Variants in F13A1 observed in about 807,000 individuals in gnomAD.
F13A1 encodes coagulation factor XIII A chain, also known as FSF, A subunit.
Under a neutral mutation model 80.1 loss-of-function variants are expected in F13A1, and 47 were observed. The ratio of observed to expected loss-of-function variants is 0.59; its 90% CI spans 0.46 to 0.75. The LOEUF (loss-of-function observed/expected upper bound fraction) is 0.75, where lower values mean the gene tolerates loss of function less well. F13A1 is among the 30% of genes least tolerant of loss of function. The pLI is 0.00. For missense variants in F13A1, 817 were observed against 930.4 expected (o/e 0.88, Z 1.59); for synonymous variants, 349 against 344.9 (o/e 1.01, Z -0.13).
In F13A1 at chr6:6,202,754, C is replaced by T. The variant is rs143321962; in HGVS notation, c.1113-5428G>A. ...AACGATGGAGATGACAAGTGAAGAACACATCTCTGCTTTATGTTTCTTCCT... is the reference window on the plus strand; with the variant it reads ...AACGATGGAGATGACAAGTGAAGAATACATCTCTGCTTTATGTTTCTTCCT... On this transcript the variant is annotated intron_variant, in intron 8 of 14. Transcript: ENST00000264870. 4.4e-3 allele frequency among the ~76,000 whole-genome samples: 668 copies of T among 152,296 alleles called. 6 individuals are homozygous for T. Among genetic ancestry groups the T allele is most frequent in the African/African-American group, 0.015 (630 of 41,566 alleles).
At chr6:6,296,130 G>C (rs1438287904) in intron 3 of F13A1, among the ~76,000 whole-genome samples, 1 of 151,298 alleles carries the variant, frequency 6.6e-6, no homozygotes, top group Non-Finnish European at 1.5e-5. Flanking sequence ...CCAGTACTAT[G>C]CTGTTTTGGT....
At chr6:6,277,560 C>T (rs1261237183) in intron 3 of F13A1, among the ~76,000 whole-genome samples, 1 of 152,206 alleles carries the variant, frequency 6.6e-6, no homozygotes, top group Non-Finnish European at 1.5e-5. Context: ...AACTACAGTT[C>T]ATCCATCACC....
intron 8 of F13A1, among the ~76,000 whole-genome samples, chr6:6,198,479 G>A (rs770728920): frequency 6.6e-6 from 1 of 152,140 alleles, no homozygotes; most frequent in Non-Finnish European, 1.5e-5. Context: ...CAACTACCAC[G>A]GGTTCCGTGC....
intron 13 of F13A1, among the ~76,000 whole-genome samples, chr6:6,155,740 C>T (rs1037146926): frequency 3.9e-5 from 6 of 152,120 alleles, no homozygotes; most frequent in Middle Eastern, 3.2e-3. Context: ...AGTGTTTTCA[C>T]GTTATGTGTT....
At chr6:6,283,574 T>A (rs1171671114) in intron 3 of F13A1, among the ~76,000 whole-genome samples, 1 of 152,224 alleles carries the variant, frequency 6.6e-6, no homozygotes, top group African/African-American at 2.4e-5. Flanking sequence ...AAATTTTCTG[T>A]AAAGTGGAGT....
At position 6,276,937 on chromosome 6, in the gene F13A1, C is replaced by T. The variant is rs541959055; in HGVS notation, c.320-10128G>A. Among the ~76,000 whole-genome samples, 7 of 152,204 alleles carry T rather than the reference C, an allele frequency of 4.6e-5. No individual in the cohort carries two copies. In the South Asian group the frequency reaches 1.3e-3, roughly 27 times the overall value. On this transcript the variant is annotated intron_variant, in intron 3 of 14. Coordinates refer to ENST00000264870, the MANE Select transcript of F13A1 (RefSeq NM_000129.4). ...TAAAAGTAAAATCTTATCCCCACCC[C>T]ACTCCCAACCAACTGTACAGACTCT... is the stretch of plus-strand genomic sequence containing the variant.
chr6:6,225,821 T>G (rs762082853), intron 6 of F13A1, among the ~76,000 whole-genome samples: 2 of 152,190 alleles, frequency 1.3e-5, no homozygotes, highest in Non-Finnish European at 2.9e-5. Context: ...CTTTTTCCCT[T>G]TGTAAAATTC....
At chr6:6,267,076 C>T (rs887525183) in intron 3 of F13A1, among the ~76,000 whole-genome samples, 1 of 152,146 alleles carries the variant, frequency 6.6e-6, no homozygotes, top group Non-Finnish European at 1.5e-5. Context: ...CCATTGTAAC[C>T]TCCCTAATTA....
At chr6:6,184,296 C>A (rs1222759468) in intron 10 of F13A1, among the ~76,000 whole-genome samples, 1 of 152,260 alleles carries the variant, frequency 6.6e-6, no homozygotes, top group Non-Finnish European at 1.5e-5. Context: ...TGGGACAGCC[C>A]ATAACCTGGC....
At chr6:6,223,519 A>G (rs964453478) in intron 7 of F13A1, among the ~76,000 whole-genome samples, 1 of 152,192 alleles carries the variant, frequency 6.6e-6, no homozygotes, top group African/African-American at 2.4e-5. Flanking sequence ...TCCGGCTTCT[A>G]TCTGGAACTT....
chr6:6,146,468 C>G (rs1232508512), intron 14 of F13A1, among the ~76,000 whole-genome samples: 2 of 152,162 alleles, frequency 1.3e-5, no homozygotes, highest in Non-Finnish European at 2.9e-5. Context: ...TTCCTCCCAG[C>G]CTTTGCCCTG....
intron 10 of F13A1, among the ~76,000 whole-genome samples, chr6:6,191,403 G>C (rs1489310380): frequency 6.6e-6 from 1 of 152,140 alleles, no homozygotes; most frequent in African/African-American, 2.4e-5. Context: ...ACACTTGAAG[G>C]GTTATCATCA....
chr6:6,151,804 A>C lies in F13A1; in HGVS notation c.2045+9T>G, dbSNP rs953303696. 1 of 1,614,038 alleles carries C rather than the reference A, an allele frequency of 6.2e-7. No individual in the cohort carries two copies. The highest frequency in any genetic ancestry group is 1.3e-5 in the African/African-American group (1 of 75,022). On this transcript the variant is annotated intron_variant, in intron 14 of 14. Transcript: ENST00000264870. ...ACTGCCTGCCCGGTCTCCCCAACCC[A>C]AGGTTTACCGGAACATCTTCTTCAT...
At chr6:6,313,176 T>A (rs1358228682) in intron 2 of F13A1, among the ~76,000 whole-genome samples, 1 of 152,128 alleles carries the variant, frequency 6.6e-6, no homozygotes, top group Non-Finnish European at 1.5e-5. Flanking sequence ...ATGGAAAAAG[T>A]CTTATCATCA....
chr6:6,151,871 T>A lies in F13A1; in HGVS notation c.1987A>T (p.Asn663Tyr). The change falls in exon 14 of 15, where the codon AAT (asparagine) becomes TAT (tyrosine). Residue 663 changes from asparagine (N) to tyrosine (Y), a missense_variant. By Grantham distance (143) the Asn-to-Tyr change is moderately radical. Coordinates refer to ENST00000264870, the MANE Select transcript of F13A1 (RefSeq NM_000129.4). ...GGACCATCCAGGTGTACCCAGACAT[T>A]TCGCAGGGTTTCTTTTAAAGGATTG... ...FTNPLKETLR[N>Y]VWVHLDGPGV... 3 of 1,614,086 alleles carry A rather than the reference T, an allele frequency of 1.9e-6. No individual in the cohort carries two copies. Among genetic ancestry groups the A allele is most frequent in the Non-Finnish European group, 2.5e-6 (3 of 1,179,972 alleles).
In F13A1 at chr6:6,248,240, T is replaced by C. The variant is rs959795657; in HGVS notation, c.798+72A>G. The C allele has an allele frequency of 6.6e-6, 8 of 1,205,100 alleles. No homozygotes were observed. The South Asian group carries it at 9.8e-5, about 15-fold the overall frequency. The allele number at this position is 1,205,100 out of a possible 1,614,324, so 74.7% of individuals were successfully genotyped here. On this transcript the variant is annotated intron_variant, in intron 6 of 14. Transcript: ENST00000264870. ...TGTAAGTCATCATTTCAGCAGCTCT[T>C]AATGAACTGGCATATATACTGAGGC...
At chr6:6,148,552 G>A (rs1243188665) in intron 14 of F13A1, among the ~76,000 whole-genome samples, 8 of 152,280 alleles carry the variant, frequency 5.3e-5, no homozygotes, top group East Asian at 3.9e-4. Flanking sequence ...CTTTCTAGGC[G>A]TCCAAGTTGT....
At chr6:6,240,012 G>A (rs989989060) in intron 6 of F13A1, among the ~76,000 whole-genome samples, 1 of 152,106 alleles carries the variant, frequency 6.6e-6, no homozygotes, top group Non-Finnish European at 1.5e-5. Flanking sequence ...CTATCCTGGG[G>A]ATGCTGGCCC....
chr6:6,146,190 C>T (rs1049121566), intron 14 of F13A1, among the ~76,000 whole-genome samples: 5 of 152,272 alleles, frequency 3.3e-5, no homozygotes, highest in South Asian at 4.1e-4. Flanking sequence ...TATATGAATC[C>T]CCCAGCTGCC....
Sources: allele counts gnomAD v4.1 joint callset (sites outside exome capture counted in the v4.1 genomes callset), GRCh38; gene constraint gnomAD v4.1.1; transcripts MANE v1.5; gene names NCBI Gene and HGNC (gene_info 2026-07-23, HGNC 2026-07-21).